ZCRB1: variants seen among roughly 807,000 people sequenced by gnomAD.
ZCRB1 encodes the protein zinc finger CCHC-type and RNA binding motif containing 1.
ZCRB1 carries 21 observed loss-of-function variants against 29.9 expected under a neutral mutation model. That is an observed-to-expected ratio of 0.70 (90% CI 0.50 to 1.01). The LOEUF (loss-of-function observed/expected upper bound fraction) is 1.01. Among genes scored for constraint, ZCRB1 ranks in the 50% least tolerant of loss-of-function variants. ZCRB1 has a pLI of 0.00. For synonymous variants in ZCRB1, 77 were observed against 80.0 expected (o/e 0.96, Z 0.20); for missense variants, 204 against 253.3 (o/e 0.81, Z 1.32).
chr12:42,319,957 T>C (rs1037205088), intron 3 of ZCRB1, among the ~76,000 whole-genome samples: 1 of 152,070 alleles, frequency 6.6e-6, no homozygotes, highest in Non-Finnish European at 1.5e-5. Context: ...TCAGGAGAAA[T>C]CTTACAGTTT....
chr12:42,317,548 A>AT, intron 4 of ZCRB1, 101 bp from the exon 5 acceptor site: 7 of 1,053,124 alleles, frequency 6.6e-6, no homozygotes, highest in Non-Finnish European at 9.4e-6. Context: ...TTTATTTTGG[A>AT]TTTTTTAGCA....
At chr12:42,322,618 T>C (rs2068627439) in intron 2 of ZCRB1, among the ~76,000 whole-genome samples, 172 bp from the exon 3 acceptor site, 1 of 152,200 alleles carries the variant, frequency 6.6e-6, no homozygotes, top group Admixed American at 6.5e-5. Flanking sequence ...ATAATATACT[T>C]ACTGTTGTTG....
chr12:42,321,975 TAA>T (rs2068623826), intron 3 of ZCRB1, among the ~76,000 whole-genome samples: 1 of 152,184 alleles, frequency 6.6e-6, no homozygotes, highest in African/African-American at 2.4e-5. Flanking sequence ...GTTTTCTATT[TAA>T]AAGACTCATA....
rs769292428 is a variant in ZCRB1 at position 42,313,841 on chromosome 12, T to A, written c.446+33A>T. 29 of 1,609,098 alleles carry A rather than the reference T, an allele frequency of 1.8e-5. No homozygotes were observed. The Admixed American group carries it at 5.0e-4, about 28-fold the overall frequency. On this transcript the variant is annotated intron_variant, in intron 6 of 7. Transcript: ENST00000266529. ...AACCAACCAAAAGACAAAAGCAACA[T>A]GATGATGTATTTAGTAAGAATAATA...
Position 42,320,201 on chromosome 12 carries a change from A to G in ZCRB1, c.113+2217T>C, listed in dbSNP as rs1278740739. Among the ~76,000 whole-genome samples the G allele has an allele frequency of 7.9e-5, 12 of 152,326 alleles. No individual in the cohort carries two copies. In the East Asian group the frequency reaches 2.3e-3, roughly 29 times the overall value. On this transcript the variant is annotated intron_variant, in intron 3 of 7. Transcript: ENST00000266529. ...AGCATACACTATTTTGGGAAACCTGAATGTCATCCATAACACCTCCTTCTT... is the reference window on the plus strand; with the variant it reads ...AGCATACACTATTTTGGGAAACCTGGATGTCATCCATAACACCTCCTTCTT...
chr12:42,324,203 C>T lies in ZCRB1; in HGVS notation c.-2-99G>A, dbSNP rs181488458. On this transcript the variant is annotated intron_variant, in intron 1 of 7. Coordinates refer to ENST00000266529, the MANE Select transcript of ZCRB1 (RefSeq NM_033114.4). The stretch of plus-strand genomic sequence containing the variant: ...CCCTCTTGTTGCCCAGGCTGGGGTG[C>T]AATGGCGTGATCTCGGCTCACTGCA... 141 of 1,090,486 alleles carry T rather than the reference C, an allele frequency of 1.3e-4. No homozygotes were observed. In the African/African-American group the frequency reaches 2.0e-3, roughly 15 times the overall value. The allele number at this position is 1,090,486 out of a possible 1,614,324, so 67.6% of individuals were successfully genotyped here.
chr12:42,326,040 G>C lies in ZCRB1; in HGVS notation c.-119C>G, dbSNP rs1435870952. ...GCCTTGGCATCACGAGTCCTGGGAGGGGTCAGGCGCGGAGAGCAGATAATA... is the reference window on the plus strand; with the variant it reads ...GCCTTGGCATCACGAGTCCTGGGAGCGGTCAGGCGCGGAGAGCAGATAATA... On this transcript the variant is annotated 5_prime_UTR_variant, in exon 1 of 8. Coordinates refer to ENST00000266529, the MANE Select transcript of ZCRB1 (RefSeq NM_033114.4). 3 of 152,454 alleles carry C rather than the reference G, an allele frequency of 2.0e-5. No individual in the cohort carries two copies. Among genetic ancestry groups the C allele is most frequent in the Middle Eastern group, 3.4e-3 (1 of 296 alleles). 9.4% of individuals were successfully genotyped at this position (152,454 alleles called of 1,614,324 possible).
chr12:42,313,053 G>T lies in ZCRB1; in HGVS notation c.*14C>A. ...AACAAATCTTGATTTTTATTACTGT[G>T]CTGGGGCAAGATTTTAATCACTAAG... is the stretch of plus-strand genomic sequence containing the variant. On this transcript the variant is annotated 3_prime_UTR_variant, in exon 8 of 8. Transcript: ENST00000266529. 6.3e-7 allele frequency: 1 copy of T among 1,578,648 alleles called. No individual in the cohort carries two copies. Among genetic ancestry groups the T allele is most frequent in the Non-Finnish European group, 8.6e-7 (1 of 1,165,916 alleles).
intron 3 of ZCRB1, among the ~76,000 whole-genome samples, chr12:42,320,688 G>A (rs73118473): frequency 1.4e-4 from 22 of 152,138 alleles, no homozygotes; most frequent in Non-Finnish European, 2.5e-4. Context: ...CCTTTCAAGT[G>A]ATCCTCCCAC....
chr12:42,317,905 G>T lies in ZCRB1; in HGVS notation c.114-7C>A. ...ATCTTTCATGATGGTAACCCTTAAA[G>T]CATAAACAAAGAGTTAAAAATGAGG... On this transcript the variant is annotated splice_region_variant and splice_polypyrimidine_tract_variant and intron_variant, in intron 3 of 7. Coordinates refer to ENST00000266529, the MANE Select transcript of ZCRB1 (RefSeq NM_033114.4). 6.2e-7 allele frequency: 1 copy of T among 1,600,604 alleles called. No homozygotes were observed. The highest frequency in any genetic ancestry group is 8.5e-7 in the Non-Finnish European group (1 of 1,172,718).
intron 5 of ZCRB1, among the ~76,000 whole-genome samples, chr12:42,316,417 T>A (rs1207624071): frequency 6.6e-6 from 1 of 152,136 alleles, no homozygotes; most frequent in Non-Finnish European, 1.5e-5. Context: ...TAAGTATTTT[T>A]ATGGTCATTT....
rs2068575934 is a variant in ZCRB1, at chr12:42,312,811, A to G, written c.*256T>C. ...GAAAAGTTTATTAATATAAGTAACA[A>G]TAAATCATTCAACTTTTCGGTCTTC... On this transcript the variant is annotated 3_prime_UTR_variant, in exon 8 of 8. Coordinates refer to ENST00000266529, the MANE Select transcript of ZCRB1 (RefSeq NM_033114.4). 1 of 239,084 alleles carries G rather than the reference A, an allele frequency of 4.2e-6. No individual in the cohort carries two copies. Among genetic ancestry groups the G allele is most frequent in the Non-Finnish European group, 7.8e-6 (1 of 128,364 alleles). 14.8% of individuals were successfully genotyped at this position (239,084 alleles called of 1,614,324 possible). A position where few individuals can be genotyped will look rare whatever the true frequency, so the allele number is the denominator to read the frequency against.
intron 5 of ZCRB1, among the ~76,000 whole-genome samples, chr12:42,316,773 A>G (rs1433989302): frequency 6.6e-6 from 1 of 152,252 alleles, no homozygotes; most frequent in African/African-American, 2.4e-5. Flanking sequence ...AGACAGTGAC[A>G]TAAGTAATCA....
At chr12:42,318,258 T>C (rs1305763080) in intron 3 of ZCRB1, among the ~76,000 whole-genome samples, 1 of 152,166 alleles carries the variant, frequency 6.6e-6, no homozygotes, top group Admixed American at 6.5e-5. Context: ...AGTAAAATGA[T>C]TTATTTATTT....
chr12:42,314,111 A>ATTCCT, intron 5 of ZCRB1, 125 bp from the exon 6 acceptor site: 1 of 869,840 alleles, frequency 1.1e-6, no homozygotes, highest in Non-Finnish European at 1.7e-6. Flanking sequence ...TACTGGGACT[A>ATTCCT]TACAGAAGAC....
intron 5 of ZCRB1, 84 bp downstream of exon 5, chr12:42,317,256 A>G: frequency 1.1e-6 from 1 of 906,038 alleles, no homozygotes; most frequent in Non-Finnish European, 1.7e-6. Context: ...AGCCAGTCAG[A>G]AGTTTTGGTG....
rs548360403 is a variant in ZCRB1, at chr12:42,323,941, A to G, written c.84+78T>C. 9.0e-6 allele frequency: 12 copies of G among 1,338,336 alleles called. 1 individual carries two copies. The South Asian group carries it at 1.5e-4, about 17-fold the overall frequency. 82.9% of individuals were successfully genotyped at this position (1,338,336 alleles called of 1,614,324 possible). On this transcript the variant is annotated intron_variant, in intron 2 of 7. Transcript: ENST00000266529. Reference sequence around the variant, plus strand: ...AAAAAAGAAAAAAAAAAAAAGGAAAAAAGAATTTGCCAGGGAGAACTATTT... The same window carrying G: ...AAAAAAGAAAAAAAAAAAAAGGAAAGAAGAATTTGCCAGGGAGAACTATTT...
chr12:42,320,526 C>T (rs1298762224), intron 3 of ZCRB1, among the ~76,000 whole-genome samples: 3 of 152,078 alleles, frequency 2.0e-5, no homozygotes, highest in Non-Finnish European at 2.9e-5. Flanking sequence ...GCAACCTCCA[C>T]CTCCATCCGC....
intron 2 of ZCRB1, 76 bp from the exon 3 acceptor site, chr12:42,322,522 C>T (rs2068626790): frequency 1.5e-6 from 2 of 1,332,718 alleles, no homozygotes; most frequent in Non-Finnish European, 2.0e-6. Context: ...CAGACATTGA[C>T]CAAATTCTTT....
Sources: gnomAD v4.1 joint callset for allele counts (sites outside exome capture counted in the v4.1 genomes callset) on GRCh38, gnomAD v4.1.1 for gene constraint, MANE v1.5 for transcripts, NCBI Gene and HGNC (gene_info 2026-07-23, HGNC 2026-07-21) for gene names.